PKHD1: variants seen among roughly 807,000 people sequenced by gnomAD.
PKHD1 encodes the protein PKHD1 ciliary IPT domain containing fibrocystin/polyductin, also known as fibrocystin.
Under a neutral mutation model 412.0 loss-of-function variants are expected in PKHD1, and 291 were observed. That is an observed-to-expected ratio of 0.71 (90% confidence interval 0.64 to 0.78). The LOEUF (loss-of-function observed/expected upper bound fraction) is 0.78. PKHD1 is among the 30% of genes least tolerant of loss of function. The probability of loss-of-function intolerance (pLI) is 0.00; values close to 1 mark genes in which losing one functional copy is unlikely to be tolerated. For missense variants in PKHD1, 4,825 were observed against 4,950.7 expected (o/e 0.97, Z 0.76); for synonymous variants, 1,777 against 1,821.5 (o/e 0.98, Z 0.62).
Position 51,761,164 on chromosome 6 carries a change from G to C in PKHD1, c.8643-6226C>G, listed in dbSNP as rs183185280. Among the ~76,000 whole-genome samples, 29 of 152,156 alleles carry C rather than the reference G, an allele frequency of 1.9e-4. 1 individual carries two copies. Among genetic ancestry groups the C allele is most frequent in the African/African-American group, 6.5e-4 (27 of 41,532 alleles). On this transcript the variant is annotated intron_variant, in intron 55 of 66. Coordinates refer to ENST00000371117, the MANE Select transcript of PKHD1 (RefSeq NM_138694.4). Reference sequence around the variant, plus strand: ...CATTATTCGCAAGAGCCAAAATATAGAGTCAATCTAGGTGCCCATCGACAA... The same window carrying C: ...CATTATTCGCAAGAGCCAAAATATACAGTCAATCTAGGTGCCCATCGACAA...
chr6:52,074,764 T>A (rs1251261833), intron 6 of PKHD1, among the ~76,000 whole-genome samples: 1 of 152,030 alleles, frequency 6.6e-6, no homozygotes, highest in African/African-American at 2.4e-5. Context: ...CTCCCCCATC[T>A]CCCTGGCTGC....
intron 35 of PKHD1, among the ~76,000 whole-genome samples, chr6:51,982,188 G>C (rs1168021820): frequency 2.2e-5 from 1 of 45,032 alleles, no homozygotes. Context: ...AGGGAGGTGG[G>C]GGGGTCAGCC....
At chr6:51,775,079 A>ATGTT (rs1790781198) in intron 54 of PKHD1, among the ~76,000 whole-genome samples, 5 of 141,210 alleles carry the variant, frequency 3.5e-5, no homozygotes, top group Admixed American at 6.9e-5. Flanking sequence ...TAAATATAAT[A>ATGTT]ACATTTAAGC....
At chr6:52,076,146 C>T in intron 6 of PKHD1, 130 bp downstream of exon 6, 2 of 720,210 alleles carry the variant, frequency 2.8e-6, no homozygotes, top group East Asian at 2.7e-5. Context: ...CAGAGGTTGA[C>T]TCTTATTTTC....
At chr6:51,704,897 A>G (rs898393589) in intron 60 of PKHD1, among the ~76,000 whole-genome samples, 1 of 152,030 alleles carries the variant, frequency 6.6e-6, no homozygotes, top group African/African-American at 2.4e-5. Flanking sequence ...AGGAGAAGGC[A>G]GTTAAAGACA....
intron 35 of PKHD1, among the ~76,000 whole-genome samples, chr6:52,008,251 C>G (rs1425484935): frequency 6.6e-6 from 1 of 152,192 alleles, no homozygotes; most frequent in African/African-American, 2.4e-5. Flanking sequence ...TCAACCACCC[C>G]TCATTATGAA....
At chr6:51,632,137 T>C (rs1394346704) in intron 65 of PKHD1, among the ~76,000 whole-genome samples, 10 of 151,800 alleles carry the variant, frequency 6.6e-5, no homozygotes. Flanking sequence ...AGAGACAGGG[T>C]TTCACCATGT....
intron 18 of PKHD1, among the ~76,000 whole-genome samples, chr6:52,056,089 C>T (rs745710663): frequency 2.6e-5 from 4 of 152,198 alleles, no homozygotes; most frequent in Non-Finnish European, 2.9e-5. Flanking sequence ...GGAATGGCCA[C>T]AGCATGAGTG....
At chr6:51,822,193 TTTTAAC>T (rs1351594938) in intron 52 of PKHD1, among the ~76,000 whole-genome samples, 2 of 152,088 alleles carry the variant, frequency 1.3e-5, no homozygotes, top group African/African-American at 4.8e-5. Flanking sequence ...TGGTTTTTAA[TTTTAAC>T]AAAGATATGG....
intron 51 of PKHD1, among the ~76,000 whole-genome samples, chr6:51,835,584 G>A (rs895383005): frequency 6.6e-6 from 1 of 152,138 alleles, no homozygotes; most frequent in Non-Finnish European, 1.5e-5. Flanking sequence ...TAAAGGCAAA[G>A]AGAGATGAAG....
chr6:51,886,473 A>G (rs1050044069), intron 44 of PKHD1, among the ~76,000 whole-genome samples: 1 of 152,196 alleles, frequency 6.6e-6, no homozygotes, highest in Non-Finnish European at 1.5e-5. Flanking sequence ...CTTTAAAGAG[A>G]AGGAAATCCT....
chr6:51,769,694 AATC>A (rs142195255), intron 55 of PKHD1, among the ~76,000 whole-genome samples: 27,826 of 151,222 alleles, frequency 0.18, 3,338 homozygotes, highest in African/African-American at 0.34. Flanking sequence ...ATTGACAGTT[AATC>A]TTCTTTGTTT....
At chr6:51,791,124 C>G in intron 53 of PKHD1, 112 bp downstream of exon 53, 1 of 1,067,248 alleles carries the variant, frequency 9.4e-7, no homozygotes. Context: ...ACTACCTTAA[C>G]CCTCCCTAAA....
At chr6:51,762,080 C>T (rs1434087330) in intron 55 of PKHD1, among the ~76,000 whole-genome samples, 2 of 152,036 alleles carry the variant, frequency 1.3e-5, no homozygotes, top group Non-Finnish European at 2.9e-5. Flanking sequence ...TCTAAGCCAT[C>T]ATCATGTGTT....
At chr6:52,004,348 T>C (rs534925938) in intron 35 of PKHD1, among the ~76,000 whole-genome samples, 32 of 152,196 alleles carry the variant, frequency 2.1e-4, no homozygotes, top group Non-Finnish European at 2.8e-4. Flanking sequence ...TTTGAAATAG[T>C]TTTCATTTTC....
chr6:51,619,492 C>G lies in PKHD1; in HGVS notation c.11814G>C (p.Lys3938Asn). 1 of 1,614,032 alleles carries G rather than the reference C, an allele frequency of 6.2e-7. No homozygotes were observed. The highest frequency in any genetic ancestry group is 8.5e-7 in the Non-Finnish European group (1 of 1,179,888). Residue 3938 changes from lysine to asparagine, a missense_variant, in exon 67 of 67, where the codon AAG becomes AAC. Coordinates refer to ENST00000371117, the MANE Select transcript of PKHD1 (RefSeq NM_138694.4). ...EDMRMKVMLG[K>N]VNQCPHQLMN... ...TCAACTGGTGGGGGCACTGGTTCAC[C>G]TTGCCCAGCATGACCTTCATTCTCA...
chr6:52,053,997 G>T, intron 20 of PKHD1, 41 bp downstream of exon 20: 1 of 1,611,260 alleles, frequency 6.2e-7, no homozygotes, highest in Non-Finnish European at 8.5e-7. Flanking sequence ...AATCCTCCCA[G>T]CTGACTGAAT....
At chr6:51,668,134 T>C (rs369647343) in intron 60 of PKHD1, among the ~76,000 whole-genome samples, 2 of 152,114 alleles carry the variant, frequency 1.3e-5, no homozygotes, top group African/African-American at 4.8e-5. Context: ...AATTACCTTG[T>C]GCAGTATGGC....
At chr6:51,881,102 G>T (rs1158429071) in intron 46 of PKHD1, among the ~76,000 whole-genome samples, 36 of 133,832 alleles carry the variant, frequency 2.7e-4, no homozygotes, top group African/African-American at 9.7e-4. Flanking sequence ...TCTTTTTTTG[G>T]AACAACTGAC....
Sources: allele counts gnomAD v4.1 joint callset (sites outside exome capture counted in the v4.1 genomes callset), GRCh38; gene constraint gnomAD v4.1.1; transcripts MANE v1.5; gene names NCBI Gene and HGNC (gene_info 2026-07-23, HGNC 2026-07-21).